BAHCC1: variants seen among roughly 807,000 people sequenced by gnomAD.
The protein encoded by BAHCC1 is BAH and coiled-coil domain-containing protein 1.
In BAHCC1, 43 loss-of-function variants were observed where a neutral mutation model predicts 88.2. That is an observed-to-expected ratio of 0.49 (90% confidence interval 0.38 to 0.63). The LOEUF is 0.63. Among genes scored for constraint, BAHCC1 ranks in the 20% least tolerant of loss-of-function variants. The probability of loss-of-function intolerance (pLI) is 0.00; values close to 1 mark genes in which losing one functional copy is unlikely to be tolerated. For synonymous variants in BAHCC1, 1,510 were observed against 745.5 expected, an observed-to-expected ratio of 2.03 and a Z score of -16.71; for missense variants, 3,023 against 1,654.8, an observed-to-expected ratio of 1.83 and a Z score of -14.34.
At chr17:81,400,592 C>G (rs187727313) in intron 2 of BAHCC1, 4 of 152,828 alleles carry the variant, frequency 2.6e-5, no homozygotes, top group African/African-American at 9.6e-5. Flanking sequence ...CGGGCGCGGG[C>G]TGGGGGTGGC....
chr17:81,420,612 C>T (rs1427747055), intron 2 of BAHCC1, among the ~76,000 whole-genome samples: 3 of 152,250 alleles, frequency 2.0e-5, no homozygotes, highest in African/African-American at 7.2e-5. Context: ...GCTAGCCGGC[C>T]GCCCAAGCCA....
intron 2 of BAHCC1, among the ~76,000 whole-genome samples, chr17:81,425,357 A>G (rs1180460720): frequency 1.7e-4 from 11 of 63,726 alleles, no homozygotes; most frequent in African/African-American, 2.3e-4. Context: ...TGGTGGTGAT[A>G]GTGGTGGGTG....
chr17:81,427,563 CT>C (rs1292933209), intron 3 of BAHCC1, among the ~76,000 whole-genome samples: 1 of 152,192 alleles, frequency 6.6e-6, no homozygotes, highest in Non-Finnish European at 1.5e-5. Flanking sequence ...GGAGGCCCCC[CT>C]GGCCTTTCCG....
At chr17:81,453,159 G>A (rs893924291) in intron 14 of BAHCC1, among the ~76,000 whole-genome samples, 10 of 152,328 alleles carry the variant, frequency 6.6e-5, no homozygotes, top group East Asian at 5.8e-4. Flanking sequence ...GTCCCCGCCC[G>A]GCCCCCCTGG....
chr17:81,412,599 G>A (rs915892180), intron 2 of BAHCC1, among the ~76,000 whole-genome samples: 8 of 152,154 alleles, frequency 5.3e-5, no homozygotes, highest in Admixed American at 1.3e-4. Flanking sequence ...TTGCTGACTC[G>A]TGCACGAGGC....
Position 81,447,733 on chromosome 17 carries a change from T to C in BAHCC1, c.3861T>C (p.Ser1287=), listed in dbSNP as rs781937459. The change falls in exon 11 of 28, where the codon TCT becomes TCC. Residue 1287 remains serine, a synonymous_variant. Transcript: ENST00000675386. Reference sequence around the variant, plus strand: ...CGGACCCTCAGCCCCCAGCGGCCTCTGGGCCCCCCAGCACAGTCCCCCTGC... The same window carrying C: ...CGGACCCTCAGCCCCCAGCGGCCTCCGGGCCCCCCAGCACAGTCCCCCTGC... ...SPPDPQPPAA[S]GPPSTVPLPH... The C allele has an allele frequency of 6.8e-6, 5 of 734,804 alleles. No individual in the cohort carries two copies. In the South Asian group the frequency reaches 7.3e-5, roughly 11 times the overall value. The allele number at this position is 734,804 out of a possible 1,614,324, so 45.5% of individuals were successfully genotyped here. A position where few individuals can be genotyped will look rare whatever the true frequency, so the allele number is the denominator to read the frequency against.
chr17:81,445,712 TGCTCCGCTCCAA>T lies in BAHCC1; in HGVS notation c.3163+34_3163+45del, dbSNP rs782370314. The T allele has an allele frequency of 4.2e-6, 3 of 714,098 alleles. No homozygotes were observed. The South Asian group carries it at 4.5e-5, about 11-fold the overall frequency. The allele number at this position is 714,098 out of a possible 1,614,324, so 44.2% of individuals were successfully genotyped here. A position where few individuals can be genotyped will look rare whatever the true frequency, so the allele number is the denominator to read the frequency against. ...AGTAGCCGCCTGGCCCGGCCCACTG[TGCTCCGCTCCAA>T]GCCCTCCCACCCCTGCCCGGCAGGG... On this transcript the variant is annotated intron_variant, in intron 10 of 27. Coordinates refer to ENST00000675386, the MANE Select transcript of BAHCC1 (RefSeq NM_001377448.1).
chr17:81,451,234 A>G (rs6565571), intron 11 of BAHCC1: 129,955 of 170,008 alleles, frequency 0.76, 50,156 homozygotes, highest in Non-Finnish European at 0.8. Flanking sequence ...GCTTCCGTGC[A>G]CGAGGCCTCA....
At chr17:81,403,854 G>A (rs910762668) in intron 2 of BAHCC1, among the ~76,000 whole-genome samples, 6 of 152,182 alleles carry the variant, frequency 3.9e-5, no homozygotes, top group African/African-American at 7.2e-5. Context: ...GGCCCGCCAC[G>A]CCCGCCCCGC....
intron 2 of BAHCC1, among the ~76,000 whole-genome samples, chr17:81,424,674 G>C (rs896427372): frequency 6.6e-6 from 1 of 151,314 alleles, no homozygotes; most frequent in African/African-American, 2.4e-5. Context: ...ATGTGGTTGG[G>C]GGCATGGTGG....
intron 17 of BAHCC1, 67 bp from the exon 18 acceptor site, chr17:81,458,098 C>T: frequency 1.4e-6 from 1 of 703,948 alleles, no homozygotes; most frequent in South Asian, 1.5e-5. Context: ...AGGACCGGCA[C>T]AGTCAGCCCA....
rs1555659172 is a variant in BAHCC1, at chr17:81,461,154, C to T, written c.6491C>T (p.Ser2164Phe). The change falls in exon 26 of 28, where the codon TCC becomes TTC. Residue 2164 changes from serine to phenylalanine, a missense_variant. Coordinates refer to ENST00000675386, the MANE Select transcript of BAHCC1 (RefSeq NM_001377448.1). ...GACTCCTTCAGCAGCCTGGCCAGCT[C>T]CTACGCGCCCTTCGTCGGGGGGACC... ...RADSFSSLAS[S>F]YAPFVGGTGP... The T allele has an allele frequency of 2.6e-6, 2 of 759,382 alleles. No homozygotes were observed. The highest frequency in any genetic ancestry group is 4.8e-6 in the Non-Finnish European group (2 of 413,910). The allele number at this position is 759,382 out of a possible 1,614,324, so 47.0% of individuals were successfully genotyped here. A position where few individuals can be genotyped will look rare whatever the true frequency, so the allele number is the denominator to read the frequency against.
At chr17:81,444,079 C>T in intron 6 of BAHCC1, 162 bp downstream of exon 6, 1 of 610,586 alleles carries the variant, frequency 1.6e-6, no homozygotes, top group Non-Finnish European at 2.9e-6. Context: ...TTTCTGGAGT[C>T]TCACCCGGGG....
chr17:81,463,843 G>T lies in BAHCC1; in HGVS notation c.*26G>T, dbSNP rs374741607. ...GCCGCCCACCGCAGATGCCTCCCAC[G>T]TGCGCCAGGGACCCTGTGTGCGGAG... On this transcript the variant is annotated 3_prime_UTR_variant, in exon 28 of 28. Transcript: ENST00000675386. 5 of 703,468 alleles carry T rather than the reference G, an allele frequency of 7.1e-6. No homozygotes were observed. Among genetic ancestry groups the T allele is most frequent in the Non-Finnish European group, 1.3e-5 (5 of 385,384 alleles). The allele number at this position is 703,468 out of a possible 1,614,324, so 43.6% of individuals were successfully genotyped here.
At chr17:81,408,772 C>G (rs782809997) in intron 2 of BAHCC1, among the ~76,000 whole-genome samples, 6 of 152,198 alleles carry the variant, frequency 3.9e-5, no homozygotes, top group Non-Finnish European at 7.4e-5. Context: ...TGCCCAGCCC[C>G]CCTGGCTGGC....
chr17:81,400,511 C>T (rs1470369349), intron 2 of BAHCC1, among the ~76,000 whole-genome samples: 1 of 152,240 alleles, frequency 6.6e-6, no homozygotes, highest in Non-Finnish European at 1.5e-5. Context: ...TGGTATCCCG[C>T]TAAAGCCGGA....
At chr17:81,459,024 G>A (rs935159119) in intron 20 of BAHCC1, 30 bp from the exon 21 acceptor site, 4 of 729,758 alleles carry the variant, frequency 5.5e-6, no homozygotes, top group Non-Finnish European at 5.1e-6. Context: ...TGGGTAGGCC[G>A]TGCCGGCCGC....
At position 81,461,331 on chromosome 17, in the gene BAHCC1, G is replaced by A. The variant is rs1555659274; in HGVS notation, c.6668G>A (p.Cys2223Tyr). 11 of 731,930 alleles carry A rather than the reference G, an allele frequency of 1.5e-5. No homozygotes were observed. Among genetic ancestry groups the A allele is most frequent in the Admixed American group, 1.5e-4 (8 of 53,574 alleles). 45.3% of individuals were successfully genotyped at this position (731,930 alleles called of 1,614,324 possible). Reference protein sequence around the residue: ...EGVTSPKNKTCKALLMGDKDF... With the variant: ...EGVTSPKNKTYKALLMGDKDF... The stretch of plus-strand genomic sequence containing the variant: ...GTGACCTCCCCCAAGAACAAGACCT[G>A]CAAGGCGTTGCTCATGGGGGACAAG... The change falls in exon 26 of 28, where the codon TGC (cysteine) becomes TAC (tyrosine). Residue 2223 changes from cysteine to tyrosine, a missense_variant. Transcript: ENST00000675386.
Position 81,444,372 on chromosome 17 carries a change from G to A in BAHCC1, c.2325-9G>A. 1.4e-6 allele frequency: 1 copy of A among 731,066 alleles called. No homozygotes were observed. The highest frequency in any genetic ancestry group is 1.5e-5 in the South Asian group (1 of 68,360). The allele number at this position is 731,066 out of a possible 1,614,324, so 45.3% of individuals were successfully genotyped here. ...CGCCGGCGGCAGGGCTGAGCCCCAG[G>A]TCTTACAGGGACAGCAAAGACCGCG... On this transcript the variant is annotated splice_polypyrimidine_tract_variant and intron_variant, in intron 6 of 27. Transcript: ENST00000675386.
Sources: allele counts gnomAD v4.1 joint callset (sites outside exome capture counted in the v4.1 genomes callset), GRCh38; gene constraint gnomAD v4.1.1; transcripts MANE v1.5; gene names NCBI Gene and HGNC (gene_info 2026-07-23, HGNC 2026-07-21).